Variants in RRAS2 observed in about 807,000 individuals in gnomAD.
RRAS2 encodes the protein RAS related 2, also known as ras-related protein R-Ras2.
Under a neutral mutation model 27.6 loss-of-function variants are expected in RRAS2, and 7 were observed. That is an observed-to-expected ratio of 0.25 (90% CI 0.14 to 0.48). The LOEUF (loss-of-function observed/expected upper bound fraction) is 0.48. Ranked by LOEUF, RRAS2 falls within the 20% of genes least tolerant of loss-of-function variation. The pLI is 0.99. For missense variants in RRAS2, 178 were observed against 256.2 expected, an observed-to-expected ratio of 0.69 and a Z score of 2.08; for synonymous variants, 86 against 90.9, an observed-to-expected ratio of 0.95 and a Z score of 0.31.
At chr11:14,338,054 A>AT (rs1236500985) in intron 1 of RRAS2, among the ~76,000 whole-genome samples, 5 of 152,212 alleles carry the variant, frequency 3.3e-5, no homozygotes, top group Non-Finnish European at 5.9e-5. Flanking sequence ...ATACTGTAAA[A>AT]TGTATATAGT....
intron 1 of RRAS2, among the ~76,000 whole-genome samples, chr11:14,329,566 A>C (rs1848443743): frequency 6.6e-6 from 1 of 152,192 alleles, no homozygotes; most frequent in African/African-American, 2.4e-5. Flanking sequence ...AGGGTCCTCA[A>C]AATTATATAA....
chr11:14,325,220 T>A (rs1207359615), intron 1 of RRAS2, among the ~76,000 whole-genome samples: 1 of 152,208 alleles, frequency 6.6e-6, no homozygotes, highest in East Asian at 1.9e-4. Context: ...AGAAGTTACT[T>A]GAATTCACCT....
chr11:14,330,567 A>T (rs1848463391), intron 1 of RRAS2, among the ~76,000 whole-genome samples: 1 of 152,180 alleles, frequency 6.6e-6, no homozygotes, highest in Non-Finnish European at 1.5e-5. Context: ...CAGAAACTTA[A>T]ATGAGTACCA....
upstream of RRAS2, among the ~76,000 whole-genome samples, chr11:14,363,549 A>G (rs949607389): frequency 1.7e-4 from 26 of 152,268 alleles, no homozygotes; most frequent in African/African-American, 6.0e-4. Context: ...CAGGTGGATC[A>G]CCTGAGGTCA....
chr11:14,363,690 G>A (rs1442548879), upstream of RRAS2, among the ~76,000 whole-genome samples: 6 of 152,158 alleles, frequency 3.9e-5, no homozygotes, highest in Admixed American at 2.0e-4. Context: ...AGAATCACTC[G>A]AACCGGGGAG....
intron 1 of RRAS2, among the ~76,000 whole-genome samples, chr11:14,346,258 T>C (rs1848827209): frequency 6.6e-6 from 1 of 152,108 alleles, no homozygotes; most frequent in African/African-American, 2.4e-5. Flanking sequence ...TTACAGAAAA[T>C]CAATGTGTAA....
chr11:14,324,381 A>G (rs1477979925), intron 1 of RRAS2, among the ~76,000 whole-genome samples: 2 of 151,088 alleles, frequency 1.3e-5, no homozygotes, highest in Admixed American at 6.6e-5. Flanking sequence ...GTAAAAATAT[A>G]TTCTAGACCT....
chr11:14,354,654 A>G (rs1266968242), intron 1 of RRAS2, among the ~76,000 whole-genome samples: 4 of 150,172 alleles, frequency 2.7e-5, no homozygotes, highest in African/African-American at 9.8e-5. Flanking sequence ...AGCAGCAAAT[A>G]AAACCAAGTA....
chr11:14,301,840 G>A (rs887759039), intron 1 of RRAS2, among the ~76,000 whole-genome samples: 9 of 151,994 alleles, frequency 5.9e-5, no homozygotes, highest in East Asian at 3.9e-4. Context: ...TTAGCTGGGC[G>A]TGATAGCGGG....
rs187735940 is a variant in RRAS2 at position 14,355,011 on chromosome 11, G to A, written c.108+3752C>T. 2.0e-4 allele frequency among the ~76,000 whole-genome samples: 30 copies of A among 152,040 alleles called. No individual in the cohort carries two copies. In the South Asian group the frequency reaches 4.2e-3, roughly 21 times the overall value. On this transcript the variant is annotated intron_variant, in intron 1 of 5. Coordinates refer to ENST00000256196, the MANE Select transcript of RRAS2 (RefSeq NM_012250.6). ...TATTTGCTTACTCTGTAGATGGCAC[G>A]GTGCTGGATGATTTACCTGCATTAT...
chr11:14,359,135 C>A lies in RRAS2; in HGVS notation c.-265G>T. 1.9e-6 allele frequency: 2 copies of A among 1,034,560 alleles called. No homozygotes were observed. The highest frequency in any genetic ancestry group is 2.3e-6 in the Non-Finnish European group (2 of 862,726). The allele number at this position is 1,034,560 out of a possible 1,614,324, so 64.1% of individuals were successfully genotyped here. On this transcript the variant is annotated 5_prime_UTR_variant, in exon 1 of 6. Coordinates refer to ENST00000256196, the MANE Select transcript of RRAS2 (RefSeq NM_012250.6). ...GGGGGCGCGCTCCTCTACGCGTCTC[C>A]GCAGCGCCTGCCGAACGCAGCCTCC...
intron 1 of RRAS2, chr11:14,341,766 T>C: frequency 4.4e-6 from 2 of 451,952 alleles, no homozygotes. Flanking sequence ...AACTATAAAA[T>C]ACCTCAGAAA....
intron 1 of RRAS2, among the ~76,000 whole-genome samples, chr11:14,315,639 C>A (rs948983836): frequency 6.6e-6 from 1 of 152,044 alleles, no homozygotes; most frequent in African/African-American, 2.4e-5. Flanking sequence ...ATGTACCATA[C>A]GTGTTAACAA....
chr11:14,308,557 G>A (rs1400904905), intron 1 of RRAS2, among the ~76,000 whole-genome samples: 1 of 152,100 alleles, frequency 6.6e-6, no homozygotes, highest in Non-Finnish European at 1.5e-5. Context: ...TGCTATCGAG[G>A]ACTTCCTTGT....
upstream of RRAS2, among the ~76,000 whole-genome samples, chr11:14,361,080 A>G (rs893729162): frequency 6.6e-6 from 1 of 152,170 alleles, no homozygotes; most frequent in Admixed American, 6.5e-5. Flanking sequence ...GCTTGAGCCC[A>G]GGAGTTCCAG....
intron 1 of RRAS2, among the ~76,000 whole-genome samples, chr11:14,339,207 G>A (rs970958424): frequency 2.8e-5 from 4 of 140,594 alleles, no homozygotes; most frequent in South Asian, 2.2e-4. Flanking sequence ...TTGGGAAGCC[G>A]AGGTGGGAAA....
rs1160915601 is a variant in RRAS2, at chr11:14,337,085, GAA to G, written c.108+21676_108+21677del. ...CAGTATCTTTCAGGTGCTGATCAAA[GAA>G]AACTACAGTACCTTGCTTATCCCCA... On this transcript the variant is annotated intron_variant, in intron 1 of 5. Coordinates refer to ENST00000256196, the MANE Select transcript of RRAS2 (RefSeq NM_012250.6). The G allele has an allele frequency of 5.3e-5, 8 of 152,290 alleles. No individual in the cohort carries two copies. In the East Asian group the frequency reaches 1.5e-3, roughly 29 times the overall value. 9.4% of individuals were successfully genotyped at this position (152,290 alleles called of 1,614,324 possible). A position where few individuals can be genotyped will look rare whatever the true frequency, so the allele number is the denominator to read the frequency against.
intron 1 of RRAS2, among the ~76,000 whole-genome samples, chr11:14,343,839 TAAATAAAATA>T (rs1244025971): frequency 1.3e-5 from 2 of 150,038 alleles, no homozygotes; most frequent in Non-Finnish European, 3.0e-5. Flanking sequence ...GTCTCAAAAA[TAAATAAAATA>T]AAATAAAATA....
intron 1 of RRAS2, among the ~76,000 whole-genome samples, chr11:14,352,798 G>A (rs1485741528): frequency 6.7e-6 from 1 of 148,728 alleles, no homozygotes; most frequent in African/African-American, 2.5e-5. Flanking sequence ...GAGAGAGAGA[G>A]ACATTTTTTT....
Sources: allele counts gnomAD v4.1 joint callset (sites outside exome capture counted in the v4.1 genomes callset), GRCh38; gene constraint gnomAD v4.1.1; transcripts MANE v1.5; gene names NCBI Gene and HGNC (gene_info 2026-07-23, HGNC 2026-07-21).